KLHL13: variants seen among roughly 807,000 people sequenced by gnomAD.
KLHL13 encodes the protein kelch like family member 13.
A neutral mutation model predicts 37.1 loss-of-function variants in KLHL13; 10 were observed. That is an observed-to-expected ratio of 0.27 (90% CI 0.17 to 0.46). The LOEUF is 0.46. Ranked by LOEUF, KLHL13 falls within the 20% of genes least tolerant of loss-of-function variation. The probability of loss-of-function intolerance (pLI) is 1.00; values close to 1 mark genes in which losing one functional copy is unlikely to be tolerated. For synonymous variants in KLHL13, 163 were observed against 181.2 expected (o/e 0.90, Z 0.81); for missense variants, 360 against 509.3 (o/e 0.71, Z 2.82).
intron 2 of KLHL13, among the ~76,000 whole-genome samples, chrX:117,921,309 G>A (rs1467479356): frequency 9.0e-6 from 1 of 110,896 alleles, no homozygotes; most frequent in African/African-American, 3.3e-5. Context: ...TATGCTTTAG[G>A]GGATGGATAC....
chrX:117,992,940 T>C (rs1032818202), intron 1 of KLHL13, among the ~76,000 whole-genome samples: 1 of 112,297 alleles, frequency 8.9e-6, no homozygotes, highest in Non-Finnish European at 1.9e-5. Context: ...GGGCTGTGTT[T>C]AGGGTGGAAG....
intron 1 of KLHL13, among the ~76,000 whole-genome samples, chrX:118,000,478 CAG>C (rs1341128334): frequency 8.9e-6 from 1 of 112,097 alleles, no homozygotes; most frequent in Non-Finnish European, 1.9e-5. Flanking sequence ...ATGAGTGTAA[CAG>C]TAATGTTATA....
chrX:118,063,502 G>A (rs1241344822), intron 1 of KLHL13, among the ~76,000 whole-genome samples: 2 of 111,496 alleles, frequency 1.8e-5, no homozygotes, highest in South Asian at 3.8e-4. Flanking sequence ...CAGTAACTCA[G>A]GGTTACTTTT....
At chrX:118,013,645 A>T (rs2054094165) in intron 1 of KLHL13, among the ~76,000 whole-genome samples, 1 of 111,834 alleles carries the variant, frequency 8.9e-6, no homozygotes, top group African/African-American at 3.2e-5. Flanking sequence ...AGAGGATTTG[A>T]CACAGTATAG....
chrX:117,954,066 T>A (rs1412063920), intron 1 of KLHL13, among the ~76,000 whole-genome samples: 1 of 111,499 alleles, frequency 9.0e-6, no homozygotes, highest in East Asian at 2.8e-4. Context: ...ATGACGTAGA[T>A]AAGGGAATTG....
intron 1 of KLHL13, among the ~76,000 whole-genome samples, chrX:118,077,460 A>G (rs2054940472): frequency 9.2e-6 from 1 of 109,270 alleles, no homozygotes; most frequent in South Asian, 4.0e-4. Flanking sequence ...GCCTGGGACC[A>G]GGGACGTAGG....
At chrX:117,938,069 A>G (rs1362789055) in intron 2 of KLHL13, among the ~76,000 whole-genome samples, 2 of 112,466 alleles carry the variant, frequency 1.8e-5, no homozygotes, top group African/African-American at 6.4e-5. Flanking sequence ...AAGTTCATCC[A>G]TATGATAGCA....
At position 118,098,266 on chromosome X, in the gene KLHL13, C is replaced by A. The variant is rs1471109806; in HGVS notation, c.-56+18242G>T. Among the ~76,000 whole-genome samples the A allele has an allele frequency of 3.6e-5, 4 of 111,719 alleles. No individual in the cohort carries two copies. In the South Asian group the frequency reaches 1.1e-3, roughly 31 times the overall value. On this transcript the variant is annotated intron_variant, in intron 1 of 6. Transcript: ENST00000371882. ...AACCCCATCAAAAAGTGGGCAAAGG[C>A]TATGAACAGACACTTCTCAAAAGAA... is the stretch of plus-strand genomic sequence containing the variant.
chrX:117,967,914 C>G (rs1191373674), intron 1 of KLHL13, among the ~76,000 whole-genome samples: 1 of 111,467 alleles, frequency 9.0e-6, no homozygotes, highest in Non-Finnish European at 1.9e-5. Context: ...TGTAAATTCA[C>G]TAGGGGACAG....
At chrX:118,036,437 C>T (rs1046624948) in intron 1 of KLHL13, among the ~76,000 whole-genome samples, 3 of 111,032 alleles carry the variant, frequency 2.7e-5, no homozygotes, top group South Asian at 3.8e-4. Context: ...GAAACAACGC[C>T]GCATATCTAC....
chrX:118,066,642 A>C (rs1265939150), intron 1 of KLHL13, among the ~76,000 whole-genome samples: 1 of 111,288 alleles, frequency 9.0e-6, no homozygotes, highest in Non-Finnish European at 1.9e-5. Flanking sequence ...TGACAAAATG[A>C]TCTTTATCAA....
At chrX:118,090,604 T>C (rs867319269) in intron 1 of KLHL13, among the ~76,000 whole-genome samples, 8 of 110,680 alleles carry the variant, frequency 7.2e-5, no homozygotes, top group African/African-American at 2.0e-4. Context: ...GTTAGAATGG[T>C]GATTATTAAA....
exon 4 of KLHL13, chrX:117,919,694 T>A: frequency 1.7e-6 from 2 of 1,196,276 alleles, no homozygotes; most frequent in Middle Eastern, 2.3e-4. Context: ...TTAATGCACA[T>A]TAAATCTTGT....
intron 1 of KLHL13, among the ~76,000 whole-genome samples, chrX:118,028,734 A>C (rs926528294): frequency 8.9e-6 from 1 of 112,286 alleles, no homozygotes; most frequent in Non-Finnish European, 1.9e-5. Flanking sequence ...CTATTGACTA[A>C]ATTTCATGTG....
chrX:117,937,238 A>C (rs1932792493), intron 2 of KLHL13, among the ~76,000 whole-genome samples: 1 of 112,519 alleles, frequency 8.9e-6, no homozygotes, highest in Non-Finnish European at 1.9e-5. Flanking sequence ...GCTTGGCCTT[A>C]AAAATCTCAA....
At chrX:118,036,457 A>G (rs1002561752) in intron 1 of KLHL13, among the ~76,000 whole-genome samples, 2 of 111,422 alleles carry the variant, frequency 1.8e-5, no homozygotes, top group Non-Finnish European at 3.8e-5. Flanking sequence ...CAACTATCTG[A>G]TCTTTGACTA....
At chrX:117,961,087 G>A (rs377187019) in intron 1 of KLHL13, among the ~76,000 whole-genome samples, 15 of 111,470 alleles carry the variant, frequency 1.3e-4, no homozygotes, top group Non-Finnish European at 2.1e-4. Context: ...TTGCAAAATC[G>A]ATGTAATCAA....
At chrX:118,106,187 G>A (rs1215339010) in intron 1 of KLHL13, among the ~76,000 whole-genome samples, 5 of 107,996 alleles carry the variant, frequency 4.6e-5, no homozygotes, top group South Asian at 4.1e-4. Context: ...ATGAGCCACC[G>A]CGCCCGGCCA....
chrX:118,090,389 A>G (rs895835585), intron 1 of KLHL13, among the ~76,000 whole-genome samples: 21 of 111,808 alleles, frequency 1.9e-4, no homozygotes, highest in African/African-American at 6.8e-4. Context: ...ACAAAGGGCT[A>G]ATATTCAGAA....
Sources: gnomAD v4.1 joint callset for allele counts (sites outside exome capture counted in the v4.1 genomes callset) on GRCh38, gnomAD v4.1.1 for gene constraint, MANE v1.5 for transcripts, NCBI Gene and HGNC (gene_info 2026-07-23, HGNC 2026-07-21) for gene names.